The following ADGRA3 variants were observed in gnomAD, a reference collection of about 807,000 sequenced individuals.
The protein encoded by ADGRA3 is adhesion G protein-coupled receptor A3.
In ADGRA3, 56 loss-of-function variants were observed where a neutral mutation model predicts 119.8. The ratio of observed to expected loss-of-function variants is 0.47; its 90% CI spans 0.38 to 0.58. ADGRA3 has a LOEUF of 0.58. ADGRA3 is among the 20% of genes least tolerant of loss of function. The pLI is 0.00. For synonymous variants in ADGRA3, 607 were observed against 623.8 expected, an observed-to-expected ratio of 0.97 and a Z score of 0.40; for missense variants, 1,516 against 1,649.0, an observed-to-expected ratio of 0.92 and a Z score of 1.40.
chr4:22,442,835 G>A lies in ADGRA3; in HGVS notation c.735C>T (p.Tyr245=), dbSNP rs748939422. ...CDPPLELPSF[Y]MTPSHRQVVF... ...CAACTTGGCGATGAGATGGAGTCAT[G>A]TAGAAAGACGGCAATTCAAGCGGAG... The change falls in exon 7 of 19, where the codon TAC becomes TAT. Residue 245 remains tyrosine, a synonymous_variant. Coordinates refer to ENST00000334304, the MANE Select transcript of ADGRA3 (RefSeq NM_145290.4). The A allele has an allele frequency of 8.7e-6, 14 of 1,612,924 alleles. No individual in the cohort carries two copies. Among genetic ancestry groups the A allele is most frequent in the Middle Eastern group, 3.3e-4 (2 of 6,058 alleles).
At position 22,426,855 on chromosome 4, in the gene ADGRA3, T is replaced by C. The variant is rs139483264; in HGVS notation, c.1444-2503A>G. ...CATTTTTTTATGATTCATTGGAACA[T>C]TAGCATCCTAGTTCATGTTCCTACT... On this transcript the variant is annotated intron_variant, in intron 10 of 18. Coordinates refer to ENST00000334304, the MANE Select transcript of ADGRA3 (RefSeq NM_145290.4). Among the ~76,000 whole-genome samples, 293 of 152,330 alleles carry C rather than the reference T, an allele frequency of 1.9e-3. 2 individuals are homozygous for C. The highest frequency in any genetic ancestry group is 6.7e-3 in the African/African-American group (278 of 41,582).
In ADGRA3 at chr4:22,463,900, T is replaced by G. The variant is rs1476565080; in HGVS notation, c.330-2092A>C. Among the ~76,000 whole-genome samples the G allele has an allele frequency of 2.6e-5, 4 of 152,210 alleles. No homozygotes were observed. The East Asian group carries it at 5.8e-4, about 22-fold the overall frequency. On this transcript the variant is annotated intron_variant, in intron 2 of 18. Coordinates refer to ENST00000334304, the MANE Select transcript of ADGRA3 (RefSeq NM_145290.4). ...CTGTTTAACACCTGGTGATAGAGAC[T>G]GGACTAGAAATTCTCAAGAACGTTG...
chr4:22,403,160 A>C (rs1327530526), intron 14 of ADGRA3, among the ~76,000 whole-genome samples: 1 of 152,108 alleles, frequency 6.6e-6, no homozygotes, highest in African/African-American at 2.4e-5. Flanking sequence ...ATCACTCTGC[A>C]TAATCACTAG....
intron 9 of ADGRA3, 96 bp from the exon 10 acceptor site, chr4:22,435,562 G>C: frequency 9.1e-7 from 1 of 1,103,382 alleles, no homozygotes; most frequent in Non-Finnish European, 1.3e-6. Context: ...AAACAGCAAC[G>C]AATTAAAAAC....
chr4:22,499,590 T>C (rs1718979822), intron 1 of ADGRA3, among the ~76,000 whole-genome samples: 1 of 152,182 alleles, frequency 6.6e-6, no homozygotes, highest in Admixed American at 6.6e-5. Flanking sequence ...GATGGAGGCC[T>C]CCCAAAAATG....
At chr4:22,486,825 CTTAG>C (rs1188559367) in intron 1 of ADGRA3, among the ~76,000 whole-genome samples, 10 of 152,166 alleles carry the variant, frequency 6.6e-5, no homozygotes, top group Non-Finnish European at 1.5e-5. Context: ...TTCTTAACCT[CTTAG>C]TTACTTAATG....
intron 2 of ADGRA3, 38 bp from the exon 3 acceptor site, chr4:22,461,846 A>T: frequency 7.6e-7 from 1 of 1,315,032 alleles, no homozygotes. Context: ...ACATATCAAC[A>T]CTGCAACAAG....
chr4:22,456,883 C>A (rs1027738749), intron 3 of ADGRA3, among the ~76,000 whole-genome samples: 3 of 152,158 alleles, frequency 2.0e-5, no homozygotes, highest in Non-Finnish European at 4.4e-5. Context: ...TATCTGTCCT[C>A]GTTTTTCTGT....
chr4:22,416,587 G>A (rs183386105), intron 12 of ADGRA3, among the ~76,000 whole-genome samples: 128 of 152,274 alleles, frequency 8.4e-4, no homozygotes, highest in Non-Finnish European at 1.6e-3. Flanking sequence ...CTAGGGAACT[G>A]TCGGTGGTAT....
intron 3 of ADGRA3, among the ~76,000 whole-genome samples, chr4:22,460,145 C>T (rs1431628706): frequency 6.6e-6 from 1 of 152,160 alleles, no homozygotes; most frequent in South Asian, 2.1e-4. Context: ...GCTCTCATGG[C>T]AGGCTGTTCC....
intron 12 of ADGRA3, among the ~76,000 whole-genome samples, chr4:22,419,585 G>A (rs930478384): frequency 2.0e-5 from 3 of 152,140 alleles, no homozygotes; most frequent in African/African-American, 7.2e-5. Context: ...AGAGGGGTAG[G>A]TTGTGAAATT....
intron 10 of ADGRA3, among the ~76,000 whole-genome samples, chr4:22,434,110 C>T (rs1239629808): frequency 2.0e-5 from 3 of 148,662 alleles, no homozygotes; most frequent in Non-Finnish European, 4.4e-5. Context: ...ATTGCAAGTA[C>T]TAATTCTTAT....
intron 1 of ADGRA3, among the ~76,000 whole-genome samples, chr4:22,495,792 C>A (rs2109157886): frequency 6.6e-6 from 1 of 152,100 alleles, no homozygotes; most frequent in South Asian, 2.1e-4. Context: ...ACCTGTAGTC[C>A]CAGCTACTCA....
intron 11 of ADGRA3, among the ~76,000 whole-genome samples, chr4:22,421,898 A>G (rs1047431231): frequency 1.2e-4 from 18 of 151,140 alleles, no homozygotes; most frequent in African/African-American, 4.4e-4. Context: ...AAAAAAAAAA[A>G]AAAAAAAAGC....
At position 22,425,154 on chromosome 4, in the gene ADGRA3, C is replaced by A. The variant is rs557481443; in HGVS notation, c.1444-802G>T. 3.3e-5 allele frequency among the ~76,000 whole-genome samples: 5 copies of A among 151,908 alleles called. No homozygotes were observed. In the East Asian group the frequency reaches 5.8e-4, roughly 18 times the overall value. On this transcript the variant is annotated intron_variant, in intron 10 of 18. Coordinates refer to ENST00000334304, the MANE Select transcript of ADGRA3 (RefSeq NM_145290.4). ...GCTCATATTCAACAATGCAGGGATG[C>A]CTAGCTACTGCTACGTCCTTGTATG...
intron 1 of ADGRA3, among the ~76,000 whole-genome samples, chr4:22,492,005 G>A (rs1198724172): frequency 2.6e-5 from 4 of 152,200 alleles, no homozygotes; most frequent in African/African-American, 4.8e-5. Context: ...AGCAGGCACG[G>A]TTGGGATTTT....
At position 22,495,676 on chromosome 4, in the gene ADGRA3, G is replaced by A. The variant is rs183060320; in HGVS notation, c.257+19852C>T. On this transcript the variant is annotated intron_variant, in intron 1 of 18. Transcript: ENST00000334304. Reference sequence around the variant, plus strand: ...GTAATCCCAGCACTTTGGGAGGCCAGGGCGGGTGGATGACGAGGTCAGGAG... The same window carrying A: ...GTAATCCCAGCACTTTGGGAGGCCAAGGCGGGTGGATGACGAGGTCAGGAG... 6.4e-4 allele frequency among the ~76,000 whole-genome samples: 97 copies of A among 151,730 alleles called. 4 individuals are homozygous for A. The highest frequency in any genetic ancestry group is 2.2e-3 in the African/African-American group (90 of 41,216).
intron 10 of ADGRA3, among the ~76,000 whole-genome samples, chr4:22,433,904 G>C (rs537513700): frequency 3.4e-4 from 52 of 152,206 alleles, no homozygotes; most frequent in African/African-American, 1.2e-3. Context: ...CAAGTATCAG[G>C]AGCAGTTATT....
At chr4:22,439,464 A>G (rs910147818) in intron 7 of ADGRA3, among the ~76,000 whole-genome samples, 9 of 152,220 alleles carry the variant, frequency 5.9e-5, no homozygotes, top group African/African-American at 1.7e-4. Context: ...GACACAAATG[A>G]TAAGAAATAA....
Sources: gnomAD v4.1 joint callset for allele counts (sites outside exome capture counted in the v4.1 genomes callset) on GRCh38, gnomAD v4.1.1 for gene constraint, MANE v1.5 for transcripts, NCBI Gene and HGNC (gene_info 2026-07-23, HGNC 2026-07-21) for gene names.